HEMK2: variants seen among roughly 807,000 people sequenced by gnomAD.
HEMK2 encodes HemK methyltransferase 2, ETF1 glutamine and histone H4 lysine.
chr21:28,884,957 G>T, the HEMK2 span, among the ~76,000 whole-genome samples: 1 of 152,296 alleles, frequency 6.6e-6, no homozygotes, highest in Non-Finnish European at 1.5e-5. Context: ...GAAAAGATAC[G>T]CCTTTGCATG....
the HEMK2 span, among the ~76,000 whole-genome samples, chr21:28,605,730 T>A: frequency 6.6e-6 from 1 of 152,212 alleles, no homozygotes; most frequent in African/African-American, 2.4e-5. Flanking sequence ...CCATGTATCG[T>A]GTGTTTATGT....
At chr21:28,829,385 G>A in the HEMK2 span, among the ~76,000 whole-genome samples, 1 of 152,116 alleles carries the variant, frequency 6.6e-6, no homozygotes, top group Admixed American at 6.6e-5. Flanking sequence ...TGAGGGCTCT[G>A]CATTTATGAA....
the HEMK2 span, among the ~76,000 whole-genome samples, chr21:28,732,511 T>G: frequency 0.49 from 74,876 of 152,098 alleles, 20,932 homozygotes; most frequent in East Asian, 0.78. Context: ...AAAGGCAGAA[T>G]ACTGTGGGTT....
the HEMK2 span, among the ~76,000 whole-genome samples, chr21:28,654,771 G>T: frequency 1.3e-5 from 2 of 152,020 alleles, no homozygotes; most frequent in Non-Finnish European, 2.9e-5. Flanking sequence ...TGCACATTAG[G>T]TTAATACATT....
At chr21:28,630,873 T>C in the HEMK2 span, among the ~76,000 whole-genome samples, 3 of 151,838 alleles carry the variant, frequency 2.0e-5, no homozygotes, top group South Asian at 6.2e-4. Flanking sequence ...GGCACATGTA[T>C]ACATATGTAA....
At chr21:28,619,370 T>A in the HEMK2 span, among the ~76,000 whole-genome samples, 1 of 152,210 alleles carries the variant, frequency 6.6e-6, no homozygotes, top group Non-Finnish European at 1.5e-5. Flanking sequence ...TAAGAGAACA[T>A]GAAGTAAATA....
chr21:28,715,633 T>A, the HEMK2 span, among the ~76,000 whole-genome samples: 2 of 152,222 alleles, frequency 1.3e-5, no homozygotes, highest in Admixed American at 1.3e-4. Context: ...GTGCAGAAGT[T>A]CTTTAGTTTC....
the HEMK2 span, among the ~76,000 whole-genome samples, chr21:28,577,967 C>T: frequency 6.6e-6 from 1 of 152,106 alleles, no homozygotes; most frequent in South Asian, 2.1e-4. Flanking sequence ...ACAACCTTTA[C>T]TCTCTGTTAA....
At chr21:28,815,236 G>A in the HEMK2 span, among the ~76,000 whole-genome samples, 2 of 128,534 alleles carry the variant, frequency 1.6e-5, no homozygotes, top group Non-Finnish European at 3.3e-5. Flanking sequence ...GTTGTGGGGT[G>A]GGGGGAGGGG....
the HEMK2 span, among the ~76,000 whole-genome samples, chr21:28,579,728 G>A: frequency 0.012 from 1,790 of 152,244 alleles, 42 homozygotes; most frequent in African/African-American, 0.042. Flanking sequence ...TTGTTAGTCT[G>A]ATTTAACACC....
At chr21:28,789,115 T>G in the HEMK2 span, among the ~76,000 whole-genome samples, 1 of 152,064 alleles carries the variant, frequency 6.6e-6, no homozygotes, top group African/African-American at 2.4e-5. Context: ...TGTTTTAAGT[T>G]TAAAAAAAAA....
the HEMK2 span, among the ~76,000 whole-genome samples, chr21:28,669,843 C>T: frequency 3.3e-5 from 5 of 152,210 alleles, no homozygotes; most frequent in Admixed American, 6.5e-5. Flanking sequence ...AACCTCTCCC[C>T]AGTTTTAGCA....
chr21:28,779,011 G>T, the HEMK2 span, among the ~76,000 whole-genome samples: 1 of 152,144 alleles, frequency 6.6e-6, no homozygotes, highest in Non-Finnish European at 1.5e-5. Context: ...GGAAGCCATA[G>T]GACAAGGAGA....
At chr21:28,627,078 T>C in the HEMK2 span, among the ~76,000 whole-genome samples, 1 of 152,118 alleles carries the variant, frequency 6.6e-6, no homozygotes, top group Non-Finnish European at 1.5e-5. Context: ...AATACTGAAA[T>C]GTGCAACAAC....
At chr21:28,878,349 A>G in the HEMK2 span, 2 of 1,611,494 alleles carry the variant, frequency 1.2e-6, no homozygotes, top group African/African-American at 1.3e-5. Flanking sequence ...AACAATTAGA[A>G]AGAATGTTTT....
At chr21:28,665,400 T>A in the HEMK2 span, among the ~76,000 whole-genome samples, 43 of 109,294 alleles carry the variant, frequency 3.9e-4, no homozygotes, top group Non-Finnish European at 7.8e-4. Flanking sequence ...TTTTTTTTTT[T>A]TTATTATAGT....
At chr21:28,883,057 A>G in the HEMK2 span, 4 of 1,603,100 alleles carry the variant, frequency 2.5e-6, no homozygotes, top group Non-Finnish European at 3.4e-6. Context: ...CCCTACTTCC[A>G]GGCATATTTC....
At chr21:28,727,057 T>C in the HEMK2 span, among the ~76,000 whole-genome samples, 1 of 151,444 alleles carries the variant, frequency 6.6e-6, no homozygotes, top group South Asian at 2.1e-4. Context: ...AGATAAGGAG[T>C]GAATCAAAGG....
At chr21:28,661,967 A>T in the HEMK2 span, among the ~76,000 whole-genome samples, 1 of 152,190 alleles carries the variant, frequency 6.6e-6, no homozygotes, top group Non-Finnish European at 1.5e-5. Flanking sequence ...AGTTATTTGA[A>T]CAGAGAGAAA....
Sources: allele counts gnomAD v4.1 joint callset (sites outside exome capture counted in the v4.1 genomes callset), GRCh38; gene constraint gnomAD v4.1.1; transcripts MANE v1.5; gene names NCBI Gene and HGNC (gene_info 2026-07-23, HGNC 2026-07-21).